Variants in SMURF1 observed in about 807,000 individuals in gnomAD.
SMURF1 encodes SMAD specific E3 ubiquitin protein ligase 1.
In SMURF1, 44 loss-of-function variants were observed where a neutral mutation model predicts 98.0. The observed-to-expected ratio is 0.45, with a 90% CI of 0.35 to 0.58. The LOEUF (loss-of-function observed/expected upper bound fraction) is 0.58. Among genes scored for constraint, SMURF1 ranks in the 20% least tolerant of loss-of-function variants. The probability of loss-of-function intolerance (pLI) is 0.00; values close to 1 mark genes in which losing one functional copy is unlikely to be tolerated. For missense variants in SMURF1, 687 were observed against 938.4 expected, an observed-to-expected ratio of 0.73 and a Z score of 3.50; for synonymous variants, 396 against 374.9, an observed-to-expected ratio of 1.06 and a Z score of -0.65.
intron 1 of SMURF1, among the ~76,000 whole-genome samples, chr7:99,088,308 C>T (rs1584164822): frequency 6.6e-6 from 1 of 151,850 alleles, no homozygotes; most frequent in East Asian, 1.9e-4. Flanking sequence ...GATCGAACTA[C>T]TGACGTCACT....
intron 1 of SMURF1, among the ~76,000 whole-genome samples, chr7:99,096,614 T>A (rs1400425624): frequency 1.3e-5 from 2 of 152,084 alleles, no homozygotes; most frequent in Non-Finnish European, 2.9e-5. Flanking sequence ...CAAGAAGATA[T>A]AACAATCCTA....
chr7:99,054,432 C>T (rs1038114824), intron 6 of SMURF1, among the ~76,000 whole-genome samples: 5 of 152,090 alleles, frequency 3.3e-5, no homozygotes, highest in African/African-American at 1.2e-4. Flanking sequence ...TCAGTCTCCC[C>T]AGTAGCTGGG....
At chr7:99,088,509 T>C (rs1291739953) in intron 1 of SMURF1, among the ~76,000 whole-genome samples, 6 of 151,778 alleles carry the variant, frequency 4.0e-5, no homozygotes, top group Non-Finnish European at 2.9e-5. Context: ...GGTACTTACA[T>C]AGCTCTCCAA....
intron 7 of SMURF1, 148 bp downstream of exon 7, chr7:99,052,057 C>T: frequency 2.8e-6 from 3 of 1,089,108 alleles, no homozygotes; most frequent in African/African-American, 1.6e-5. Flanking sequence ...ATCGCTTGAG[C>T]TAGGGAGGTC....
chr7:99,066,409 G>GT (rs1014682820), intron 1 of SMURF1, among the ~76,000 whole-genome samples: 4 of 152,210 alleles, frequency 2.6e-5, no homozygotes, highest in Non-Finnish European at 5.9e-5. Flanking sequence ...CAATGTTTGA[G>GT]TTTAAGGCTC....
chr7:99,069,701 G>A (rs559650972), intron 1 of SMURF1, among the ~76,000 whole-genome samples: 30 of 116,354 alleles, frequency 2.6e-4, no homozygotes, highest in African/African-American at 7.7e-4. Context: ...CTTCAAATTT[G>A]CATTGAAGGA....
intron 11 of SMURF1, among the ~76,000 whole-genome samples, chr7:99,042,473 C>T (rs1389903538): frequency 6.6e-6 from 1 of 152,220 alleles, no homozygotes; most frequent in East Asian, 1.9e-4. Context: ...CAGGGTTTCA[C>T]CATGTTGGCC....
At chr7:99,143,019 G>A (rs891295139) in intron 1 of SMURF1, among the ~76,000 whole-genome samples, 7 of 150,174 alleles carry the variant, frequency 4.7e-5, no homozygotes, top group Admixed American at 3.3e-4. Context: ...TAGGAAAGAA[G>A]TGAGGAGGCG....
intron 3 of SMURF1, among the ~76,000 whole-genome samples, chr7:99,058,888 C>G (rs1167800998): frequency 6.6e-6 from 1 of 151,906 alleles, no homozygotes; most frequent in African/African-American, 2.4e-5. Context: ...AGGTCAAGAC[C>G]AGCCTGGCCA....
intron 11 of SMURF1, among the ~76,000 whole-genome samples, chr7:99,045,054 G>A (rs753039372): frequency 9.9e-5 from 15 of 151,904 alleles, no homozygotes; most frequent in Non-Finnish European, 1.9e-4. Flanking sequence ...TAGGAGGATC[G>A]CTTGAGCCCA....
At chr7:99,064,400 C>A (rs1484275952) in intron 1 of SMURF1, among the ~76,000 whole-genome samples, 2 of 152,172 alleles carry the variant, frequency 1.3e-5, no homozygotes, top group Non-Finnish European at 2.9e-5. Context: ...TAGGCCTGGG[C>A]TTTTCATTTT....
rs770394695 is a variant in SMURF1, at chr7:99,052,412, G to A, written c.514C>T (p.Leu172Phe). ...GCTGGTTCCTCCATGAAGCAGCTGA[G>A]CGGCCTCCCAGGCCCGGAGTCTTCA... ...VYEDSGPGRP[L>F]SCFMEEPAPY... Residue 172 changes from leucine (L) to phenylalanine (F), a missense_variant, in exon 7 of 18, where the codon CTC becomes TTC. Transcript: ENST00000361368. The A allele has an allele frequency of 2.5e-6, 4 of 1,596,794 alleles. No individual in the cohort carries two copies. Among genetic ancestry groups the A allele is most frequent in the Non-Finnish European group, 3.4e-6 (4 of 1,170,134 alleles).
chr7:99,048,909 G>A (rs1321175315), intron 9 of SMURF1: 2 of 152,302 alleles, frequency 1.3e-5, no homozygotes, highest in Non-Finnish European at 2.9e-5. Context: ...TGGCCAACAT[G>A]GCAAAATCCC....
At position 99,029,581 on chromosome 7, in the gene SMURF1, G is replaced by C. The variant is rs557242238; in HGVS notation, c.*1003C>G. ...TCTTTGGGTGGATTTACATCATCGA[G>C]GTTATCCTTTCACCATTGCTTTTAA... On this transcript the variant is annotated 3_prime_UTR_variant, in exon 18 of 18. Coordinates refer to ENST00000361368, the MANE Select transcript of SMURF1 (RefSeq NM_181349.3). 6.6e-6 allele frequency: 1 copy of C among 152,188 alleles called. No homozygotes were observed. The highest frequency in any genetic ancestry group is 6.5e-5 in the Admixed American group (1 of 15,280). The allele number at this position is 152,188 out of a possible 1,614,324, so 9.4% of individuals were successfully genotyped here.
chr7:99,105,540 G>T (rs1433899775), intron 1 of SMURF1, among the ~76,000 whole-genome samples: 1 of 151,986 alleles, frequency 6.6e-6, no homozygotes, highest in Admixed American at 6.5e-5. Context: ...TCTATCATAG[G>T]GACTAGTCTT....
intron 1 of SMURF1, among the ~76,000 whole-genome samples, chr7:99,100,384 G>A (rs112634858): frequency 0.013 from 1,949 of 152,144 alleles, 50 homozygotes; most frequent in African/African-American, 0.044. Context: ...GTGAAACCCC[G>A]TCTCTATTAA....
intron 1 of SMURF1, among the ~76,000 whole-genome samples, chr7:99,099,983 C>G (rs868540990): frequency 6.6e-6 from 1 of 152,068 alleles, no homozygotes; most frequent in Non-Finnish European, 1.5e-5. Flanking sequence ...GGACAGCCAC[C>G]AGTGCCTTTC....
chr7:99,126,298 A>G (rs1292134077), intron 1 of SMURF1, among the ~76,000 whole-genome samples: 1 of 152,200 alleles, frequency 6.6e-6, no homozygotes, highest in Non-Finnish European at 1.5e-5. Flanking sequence ...CCTCATTTCA[A>G]ATAATAAAGT....
At position 99,077,868 on chromosome 7, in the gene SMURF1, A is replaced by G. The variant is rs532307769; in HGVS notation, c.56-16031T>C. On this transcript the variant is annotated intron_variant, in intron 1 of 17. Coordinates refer to ENST00000361368, the MANE Select transcript of SMURF1 (RefSeq NM_181349.3). ...GAAAAATACAAAGTTTTGAAGACTC[A>G]GGGTAAAATTTTTCAAAAATTAATT... Among the ~76,000 whole-genome samples, 2 of 152,346 alleles carry G rather than the reference A, an allele frequency of 1.3e-5. 1 individual carries two copies. Among genetic ancestry groups the G allele is most frequent in the South Asian group, 4.1e-4 (2 of 4,832 alleles).
Sources: gnomAD v4.1 joint callset for allele counts (sites outside exome capture counted in the v4.1 genomes callset) on GRCh38, gnomAD v4.1.1 for gene constraint, MANE v1.5 for transcripts, NCBI Gene and HGNC (gene_info 2026-07-23, HGNC 2026-07-21) for gene names.